INTS8: variants seen among roughly 807,000 people sequenced by gnomAD.
The protein encoded by INTS8 is protein kaonashi-1.
Under a neutral mutation model 138.9 loss-of-function variants are expected in INTS8, and 47 were observed. That is an observed-to-expected ratio of 0.34 (90% CI 0.27 to 0.43). The LOEUF (loss-of-function observed/expected upper bound fraction) is 0.43, where lower values mean the gene tolerates loss of function less well. INTS8 is among the 20% of genes least tolerant of loss of function. The probability of loss-of-function intolerance (pLI) is 1.00; values close to 1 mark genes in which losing one functional copy is unlikely to be tolerated. For missense variants in INTS8, 996 were observed against 1,173.0 expected, an observed-to-expected ratio of 0.85 and a Z score of 2.20; for synonymous variants, 392 against 400.9, an observed-to-expected ratio of 0.98 and a Z score of 0.27.
At chr8:94,856,719 C>T in intron 14 of INTS8, 58 bp from the exon 15 acceptor site, 1 of 1,398,536 alleles carries the variant, frequency 7.2e-7, no homozygotes, top group East Asian at 2.3e-5. Flanking sequence ...AACATAAAGG[C>T]ACACATTTTT....
intron 18 of INTS8, 38 bp downstream of exon 18, chr8:94,866,229 G>A (rs1437406820): frequency 1.9e-6 from 2 of 1,032,402 alleles, no homozygotes; most frequent in Non-Finnish European, 3.0e-6. Flanking sequence ...TACTATTGCT[G>A]GTTTTTGTAG....
intron 26 of INTS8, chr8:94,876,724 C>G: frequency 2.4e-6 from 1 of 417,164 alleles, no homozygotes; most frequent in Non-Finnish European, 4.2e-6. Context: ...CCAATGGCTT[C>G]TCATCTCATA....
chr8:94,878,615 C>T (rs1816656889), intron 26 of INTS8, among the ~76,000 whole-genome samples: 1 of 152,106 alleles, frequency 6.6e-6, no homozygotes, highest in African/African-American at 2.4e-5. Context: ...TATAGTCAAC[C>T]TCTCCCATAG....
intron 14 of INTS8, 23 bp downstream of exon 14, chr8:94,853,938 C>A: frequency 7.3e-7 from 1 of 1,365,058 alleles, no homozygotes; most frequent in Non-Finnish European, 1.0e-6. Context: ...GTGTATCAAA[C>A]ACTTGTTAAG....
chr8:94,879,501 A>G (rs1816707596), intron 26 of INTS8, among the ~76,000 whole-genome samples: 1 of 152,008 alleles, frequency 6.6e-6, no homozygotes, highest in African/African-American at 2.4e-5. Flanking sequence ...AGGCTGAGGC[A>G]GGAGAATCAC....
intron 16 of INTS8, among the ~76,000 whole-genome samples, chr8:94,862,172 C>T (rs952705317): frequency 5.3e-5 from 8 of 151,908 alleles, no homozygotes; most frequent in African/African-American, 1.2e-4. Context: ...GAACTCCTGA[C>T]CTCAGGTGAT....
chr8:94,881,530 G>A lies in INTS8; in HGVS notation c.*1296G>A, dbSNP rs1816812335. On this transcript the variant is annotated 3_prime_UTR_variant, in exon 27 of 27. Coordinates refer to ENST00000523731, the MANE Select transcript of INTS8 (RefSeq NM_017864.4). The stretch of plus-strand genomic sequence containing the variant: ...CAGTGTAACTTGTGAATTGGCTAGG[G>A]CAATCAATCACAGCACTACTTTCTG... 1.7e-6 allele frequency: 2 copies of A among 1,159,762 alleles called. No homozygotes were observed. Among genetic ancestry groups the A allele is most frequent in the Non-Finnish European group, 1.2e-6 (1 of 815,026 alleles). 71.8% of individuals were successfully genotyped at this position (1,159,762 alleles called of 1,614,324 possible).
intron 20 of INTS8, among the ~76,000 whole-genome samples, chr8:94,869,232 C>T (rs1586524144): frequency 6.6e-6 from 1 of 151,892 alleles, no homozygotes; most frequent in Non-Finnish European, 1.5e-5. Flanking sequence ...CTGCACACCT[C>T]AGCCTCCCAA....
intron 16 of INTS8, among the ~76,000 whole-genome samples, chr8:94,861,190 T>C (rs1358018669): frequency 6.6e-6 from 1 of 151,810 alleles, no homozygotes; most frequent in East Asian, 1.9e-4. Context: ...CTGAGCTCAT[T>C]TCATTTTAAC....
chr8:94,836,455 GT>G, intron 6 of INTS8, 68 bp from the exon 7 acceptor site: 1 of 1,186,260 alleles, frequency 8.4e-7, no homozygotes, highest in Admixed American at 1.9e-5. Flanking sequence ...GATAAAGACA[GT>G]TTTGGTTCTG....
At chr8:94,860,950 G>C (rs886659746) in intron 16 of INTS8, among the ~76,000 whole-genome samples, 3 of 150,406 alleles carry the variant, frequency 2.0e-5, no homozygotes, top group Admixed American at 6.6e-5. Context: ...CCAGCTACTC[G>C]GGAGGCTGAG....
intron 20 of INTS8, 84 bp downstream of exon 20, chr8:94,867,421 T>A: frequency 1.0e-6 from 1 of 987,584 alleles, no homozygotes; most frequent in Non-Finnish European, 1.6e-6. Flanking sequence ...CCTTAGATAA[T>A]TTTATTAAAG....
intron 26 of INTS8, chr8:94,879,691 T>C: frequency 6.6e-6 from 1 of 151,628 alleles, no homozygotes; most frequent in Admixed American, 6.6e-5. Context: ...AAAAAACTAG[T>C]GTGTATATTT....
intron 8 of INTS8, among the ~76,000 whole-genome samples, chr8:94,839,901 C>CA (rs954457471): frequency 1.1e-4 from 17 of 151,800 alleles, no homozygotes; most frequent in Non-Finnish European, 2.2e-4. Flanking sequence ...GCCTCAAAAA[C>CA]AAAAAAACCC....
At chr8:94,845,908 C>T (rs1436695032) in intron 10 of INTS8, among the ~76,000 whole-genome samples, 5 of 152,056 alleles carry the variant, frequency 3.3e-5, no homozygotes, top group African/African-American at 7.2e-5. Flanking sequence ...ATTTTATGGG[C>T]GGCCTCCTAA....
At chr8:94,828,478 G>A (rs1277320646) in intron 4 of INTS8, among the ~76,000 whole-genome samples, 1 of 152,098 alleles carries the variant, frequency 6.6e-6, no homozygotes, top group African/African-American at 2.4e-5. Flanking sequence ...TATTTTTAAG[G>A]CTTGTCAAGT....
chr8:94,868,094 T>G (rs989319861), intron 20 of INTS8, among the ~76,000 whole-genome samples: 1 of 152,242 alleles, frequency 6.6e-6, no homozygotes, highest in Admixed American at 6.5e-5. Context: ...CTTTAATTAC[T>G]TTGAGAAATA....
chr8:94,847,089 G>A (rs1306578917), intron 10 of INTS8, among the ~76,000 whole-genome samples: 1 of 152,010 alleles, frequency 6.6e-6, no homozygotes, highest in Admixed American at 6.6e-5. Flanking sequence ...CGGCCAAACT[G>A]GAGTGCAGTG....
chr8:94,827,504 AT>A (rs1814553741), intron 3 of INTS8, 101 bp downstream of exon 3: 1 of 1,385,282 alleles, frequency 7.2e-7, no homozygotes, highest in Non-Finnish European at 1.0e-6. Flanking sequence ...TGCTGCAGGG[AT>A]TTTTCAAATC....
Sources: gnomAD v4.1 joint callset for allele counts (sites outside exome capture counted in the v4.1 genomes callset) on GRCh38, gnomAD v4.1.1 for gene constraint, MANE v1.5 for transcripts, NCBI Gene and HGNC (gene_info 2026-07-23, HGNC 2026-07-21) for gene names.